Variants in IMPDH2 observed in about 807,000 individuals in gnomAD.
IMPDH2 encodes inosine monophosphate dehydrogenase 2.
In IMPDH2, 33 loss-of-function variants were observed where a neutral mutation model predicts 57.8. The ratio of observed to expected loss-of-function variants is 0.57; its 90% CI spans 0.43 to 0.76. IMPDH2 has a LOEUF of 0.76. Among genes scored for constraint, IMPDH2 ranks in the 30% least tolerant of loss-of-function variants. The pLI is 0.00. For missense variants in IMPDH2, 446 were observed against 659.1 expected (o/e 0.68, Z 3.54); for synonymous variants, 270 against 241.3 (o/e 1.12, Z -1.10).
In IMPDH2 at chr3:49,025,133, G is replaced by A; in HGVS notation, c.1143C>T (p.Ala381=). 8 of 1,614,202 alleles carry A rather than the reference G, an allele frequency of 5.0e-6. No individual in the cohort carries two copies. The highest frequency in any genetic ancestry group is 6.8e-6 in the Non-Finnish European group (8 of 1,180,020). Reference sequence around the variant, plus strand: ...ACGGGTACTGGGCCTCACCTGTGGAGGCCCCAAGGGCCAAGGCTTTCGCAA... The same window carrying A: ...ACGGGTACTGGGCCTCACCTGTGGAAGCCCCAAGGGCCAAGGCTTTCGCAA... ...GHIAKALALG[A]STVMMGSLLA... Residue 381 remains alanine (A), a synonymous_variant, in exon 10 of 14, where the codon GCC becomes GCT. Coordinates refer to ENST00000326739, the MANE Select transcript of IMPDH2 (RefSeq NM_000884.3).
Position 49,028,815 on chromosome 3 carries a change from G to T in IMPDH2, c.99-9C>A. 6.2e-7 allele frequency: 1 copy of T among 1,612,008 alleles called. No homozygotes were observed. The highest frequency in any genetic ancestry group is 2.2e-5 in the East Asian group (1 of 44,882). The stretch of plus-strand genomic sequence containing the variant: ...GGAGAATGAGAAAGTCACTGCGAGG[G>T]AAGGGAGTGAATTGGGAGTAAAGCT... On this transcript the variant is annotated splice_polypyrimidine_tract_variant and intron_variant, in intron 1 of 13. Coordinates refer to ENST00000326739, the MANE Select transcript of IMPDH2 (RefSeq NM_000884.3).
At chr3:49,025,343 G>A (rs2093193612) in intron 9 of IMPDH2, 74 bp from the exon 10 acceptor site, 1 of 1,557,394 alleles carries the variant, frequency 6.4e-7, no homozygotes, top group Non-Finnish European at 8.8e-7. Context: ...CCATATTTAG[G>A]ACCCAGGAGC....
chr3:49,029,220 C>G (rs371672049), intron 1 of IMPDH2, 33 bp downstream of exon 1: 8 of 1,526,738 alleles, frequency 5.2e-6, no homozygotes, highest in Non-Finnish European at 6.3e-6. Flanking sequence ...TGCCGCCCCT[C>G]TCTTCGCCCA....
chr3:49,024,772 TC>T lies in IMPDH2; in HGVS notation c.1325del (p.Gly442GlufsTer19), dbSNP rs758844297. Reference protein sequence around the residue: ...SEADKIKVAQGVSGAVQDKGS... With the variant: ...SEADKIKVAQXVSGAVQDKGS... ...CTTTGTCCTGCACAGCACCAGACAC[TC>T]CCTGGGCCACTTTGATTTTGTCAGC... On this transcript the variant is annotated frameshift_variant, in exon 12 of 14. Transcript: ENST00000326739. LOFTEE classifies it high-confidence loss of function. The T allele has an allele frequency of 6.2e-7, 1 of 1,614,102 alleles. No homozygotes were observed. Among genetic ancestry groups the T allele is most frequent in the East Asian group, 2.2e-5 (1 of 44,880 alleles).
Position 49,026,953 on chromosome 3 carries a change from G to T in IMPDH2, c.619+7C>A. ...GTTCCAGGCCCTTTCCCAGCTCTAGGACTTACCCTTCTTGCTGCGCTGCAG... is the reference window on the plus strand; with the variant it reads ...GTTCCAGGCCCTTTCCCAGCTCTAGTACTTACCCTTCTTGCTGCGCTGCAG... On this transcript the variant is annotated splice_region_variant and intron_variant, in intron 6 of 13. Coordinates refer to ENST00000326739, the MANE Select transcript of IMPDH2 (RefSeq NM_000884.3). 6.2e-7 allele frequency: 1 copy of T among 1,613,884 alleles called. No individual in the cohort carries two copies. Among genetic ancestry groups the T allele is most frequent in the African/African-American group, 1.3e-5 (1 of 75,030 alleles).
chr3:49,029,129 G>A (rs1378401426), intron 1 of IMPDH2, 124 bp downstream of exon 1: 1 of 773,344 alleles, frequency 1.3e-6, no homozygotes, highest in Admixed American at 2.0e-5. Context: ...CCGGAGGTGG[G>A]TGGCCAATTC....
At position 49,029,370 on chromosome 3, in the gene IMPDH2, C is replaced by CG. The variant is rs1368056026; in HGVS notation, c.-21dup. 3 of 1,528,306 alleles carry CG rather than the reference C, an allele frequency of 2.0e-6. No homozygotes were observed. In the South Asian group the frequency reaches 3.5e-5, roughly 18 times the overall value. 94.7% of individuals were successfully genotyped at this position (1,528,306 alleles called of 1,614,324 possible). ...GGCCATGGCCAACACAGGACACCGC[C>CG]GCGTGTCTCCGAGGACCGCGCCGCA... On this transcript the variant is annotated 5_prime_UTR_variant, in exon 1 of 14. Coordinates refer to ENST00000326739, the MANE Select transcript of IMPDH2 (RefSeq NM_000884.3).
chr3:49,025,618 C>A (rs1047839440), intron 9 of IMPDH2, among the ~76,000 whole-genome samples: 2 of 152,190 alleles, frequency 1.3e-5, no homozygotes, highest in African/African-American at 4.8e-5. Context: ...TCAGGCCCAG[C>A]CCTTCCTCCC....
At chr3:49,026,057 T>C (rs754457974) in intron 9 of IMPDH2, 2 of 572,124 alleles carry the variant, frequency 3.5e-6, no homozygotes, top group Non-Finnish European at 6.6e-6. Flanking sequence ...TGGAGGGATC[T>C]TGGGAGCCAC....
intron 2 of IMPDH2, 36 bp from the exon 3 acceptor site, chr3:49,028,568 T>C: frequency 1.3e-6 from 2 of 1,537,292 alleles, no homozygotes; most frequent in Non-Finnish European, 1.8e-6. Flanking sequence ...TGGGAAAGCA[T>C]CCCTTACACC....
chr3:49,028,060 T>A, intron 4 of IMPDH2, 144 bp from the exon 5 acceptor site: 1 of 795,048 alleles, frequency 1.3e-6, no homozygotes, highest in Non-Finnish European at 2.1e-6. Context: ...GAGACATGGG[T>A]AGGCTGGAGG....
chr3:49,026,295 C>T (rs371803862), intron 9 of IMPDH2, 29 bp downstream of exon 9: 3 of 1,489,244 alleles, frequency 2.0e-6, no homozygotes, highest in African/African-American at 2.8e-5. Flanking sequence ...ACTGGGGTCT[C>T]TGTGGGCCCT....
chr3:49,026,366 G>T lies in IMPDH2; in HGVS notation c.964C>A (p.Arg322=), dbSNP rs766946451. 4 of 1,613,406 alleles carry T rather than the reference G, an allele frequency of 2.5e-6. No homozygotes were observed. The highest frequency in any genetic ancestry group is 2.7e-5 in the African/African-American group (2 of 74,916). Residue 322 remains arginine (R), a synonymous_variant, in exon 9 of 14, where the codon CGG becomes AGG. Transcript: ENST00000326739. The part of the protein sequence containing the change: ...NLIDAGVDAL[R]VGMGSGSICI... ...ATGGAGCCACTTCCCATGCCCACCCGCAGGGCATCCACACCTGCATCAATG... is the reference window on the plus strand; with the variant it reads ...ATGGAGCCACTTCCCATGCCCACCCTCAGGGCATCCACACCTGCATCAATG...
At chr3:49,027,651 G>C (rs1367073735) in intron 5 of IMPDH2, 59 bp downstream of exon 5, 13 of 1,393,214 alleles carry the variant, frequency 9.3e-6, no homozygotes, top group Non-Finnish European at 1.3e-5. Context: ...GACAACAGAA[G>C]CCCCTTGTCT....
intron 9 of IMPDH2, 67 bp from the exon 10 acceptor site, chr3:49,025,336 T>C (rs1317385304): frequency 3.2e-6 from 5 of 1,574,952 alleles, no homozygotes; most frequent in African/African-American, 2.7e-5. Flanking sequence ...CCTGTGGCCA[T>C]ATTTAGGACC....
rs774460654 is a variant in IMPDH2, at chr3:49,027,776, C to A, written c.465G>T (p.Val155=). The change falls in exon 5 of 14, where the codon GTG becomes GTT. Residue 155 remains valine, a synonymous_variant. Coordinates refer to ENST00000326739, the MANE Select transcript of IMPDH2 (RefSeq NM_000884.3). Reference sequence around the variant, plus strand: ...CAATGTCCCTGGAGGAGATGATGCCCACCAAGCGGCTCCCCATCCGGCCTG... The same window carrying A: ...CAATGTCCCTGGAGGAGATGATGCCAACCAAGCGGCTCCCCATCCGGCCTG... ...TDTGRMGSRL[V]GIISSRDIDF... is the part of the protein sequence containing the mutation. 2 of 1,614,200 alleles carry A rather than the reference C, an allele frequency of 1.2e-6. No individual in the cohort carries two copies. The highest frequency in any genetic ancestry group is 3.3e-5 in the Admixed American group (2 of 60,020).
At chr3:49,025,473 C>T in intron 9 of IMPDH2, 1 of 599,666 alleles carries the variant, frequency 1.7e-6, no homozygotes, top group Admixed American at 2.9e-5. Context: ...CTCACCCCCA[C>T]ATGTGCACGT....
rs377473953 is a variant in IMPDH2 at position 49,029,361 on chromosome 3, G to A, written c.-11C>T. 16 of 1,564,198 alleles carry A rather than the reference G, an allele frequency of 1.0e-5. No individual in the cohort carries two copies. The highest frequency in any genetic ancestry group is 2.3e-5 in the East Asian group (1 of 43,474). ...CAGGTAGTCGGCCATGGCCAACACA[G>A]GACACCGCCGCGTGTCTCCGAGGAC... On this transcript the variant is annotated 5_prime_UTR_variant, in exon 1 of 14. Transcript: ENST00000326739.
At chr3:49,027,598 G>T in intron 5 of IMPDH2, 112 bp downstream of exon 5, 1 of 931,420 alleles carries the variant, frequency 1.1e-6, no homozygotes, top group Non-Finnish European at 1.7e-6. Flanking sequence ...AACTTGGTTT[G>T]ACACTCCTTT....
Sources: allele counts gnomAD v4.1 joint callset (sites outside exome capture counted in the v4.1 genomes callset), GRCh38; gene constraint gnomAD v4.1.1; transcripts MANE v1.5; gene names NCBI Gene and HGNC (gene_info 2026-07-23, HGNC 2026-07-21).